DSCAML1: variants seen among roughly 807,000 people sequenced by gnomAD.
The protein encoded by DSCAML1 is DS cell adhesion molecule like 1.
In DSCAML1, 38 loss-of-function variants were observed where a neutral mutation model predicts 200.5. That is an observed-to-expected ratio of 0.19 (90% CI 0.15 to 0.25). DSCAML1 has a LOEUF of 0.25. DSCAML1 is among the 10% of genes least tolerant of loss of function. DSCAML1 has a pLI of 1.00. For synonymous variants in DSCAML1, 1,215 were observed against 1,165.0 expected, an observed-to-expected ratio of 1.04 and a Z score of -0.87; for missense variants, 2,223 against 2,858.8, an observed-to-expected ratio of 0.78 and a Z score of 5.07.
chr11:117,550,597 A>G (rs2050450643), intron 3 of DSCAML1, among the ~76,000 whole-genome samples: 1 of 152,198 alleles, frequency 6.6e-6, no homozygotes, highest in African/African-American at 2.4e-5. Context: ...GATTTCTGCT[A>G]TGCTTTTTGT....
rs564904477 is a variant in DSCAML1, at chr11:117,430,684, C to CG, written c.5686+37dup. The CG allele has an allele frequency of 2.4e-4, 340 of 1,431,686 alleles. 1 individual carries two copies. Among genetic ancestry groups the CG allele is most frequent in the African/African-American group, 1.7e-3 (113 of 68,162 alleles). 88.7% of individuals were successfully genotyped at this position (1,431,686 alleles called of 1,614,324 possible). A position where few individuals can be genotyped will look rare whatever the true frequency, so the allele number is the denominator to read the frequency against. On this transcript the variant is annotated intron_variant, in intron 32 of 32. Coordinates refer to ENST00000651296, the MANE Select transcript of DSCAML1 (RefSeq NM_020693.4). ...GGCTCATGGGGCTGGGGCCAGGGGG[C>CG]GGGGGGGCACTGCCTGGGAGGTGGT...
At chr11:117,722,681 G>A (rs943299425) in intron 3 of DSCAML1, among the ~76,000 whole-genome samples, 18 of 151,986 alleles carry the variant, frequency 1.2e-4, no homozygotes, top group African/African-American at 4.1e-4. Context: ...AAAGAAAAAC[G>A]AAACAATAAA....
chr11:117,627,179 T>C (rs1010332104), intron 3 of DSCAML1, among the ~76,000 whole-genome samples: 1 of 152,250 alleles, frequency 6.6e-6, no homozygotes, highest in African/African-American at 2.4e-5. Context: ...CTTGCGGATG[T>C]GACCGTGCTT....
intron 3 of DSCAML1, among the ~76,000 whole-genome samples, chr11:117,630,060 A>T (rs2052138038): frequency 6.6e-6 from 1 of 152,190 alleles, no homozygotes; most frequent in Non-Finnish European, 1.5e-5. Flanking sequence ...ACTGAGAGAC[A>T]GCACAGTGAG....
chr11:117,721,069 G>A (rs2054034103), intron 3 of DSCAML1, among the ~76,000 whole-genome samples: 1 of 152,212 alleles, frequency 6.6e-6, no homozygotes, highest in Non-Finnish European at 1.5e-5. Context: ...ATGCGGAGAG[G>A]TGAACTGACT....
intron 3 of DSCAML1, among the ~76,000 whole-genome samples, chr11:117,721,062 C>T (rs1047759451): frequency 6.6e-6 from 1 of 152,188 alleles, no homozygotes; most frequent in South Asian, 2.1e-4. Context: ...AACCAAGATG[C>T]GGAGAGGTGA....
At chr11:117,798,167 C>T (rs1484418013), upstream of DSCAML1, among the ~76,000 whole-genome samples, 1 of 152,254 alleles carries the variant, frequency 6.6e-6, no homozygotes, top group Non-Finnish European at 1.5e-5. Flanking sequence ...TGAGAATGGC[C>T]TATGAGCCAG....
chr11:117,442,627 G>C (rs1203194530), intron 21 of DSCAML1, among the ~76,000 whole-genome samples: 9 of 152,096 alleles, frequency 5.9e-5, no homozygotes, highest in Non-Finnish European at 1.2e-4. Flanking sequence ...AGCTCTCTAG[G>C]ACCGTGTTTA....
chr11:117,479,156 A>C (rs1259011298), intron 14 of DSCAML1, among the ~76,000 whole-genome samples: 2 of 152,212 alleles, frequency 1.3e-5, no homozygotes. Context: ...AGGGAACAGG[A>C]CTTGGCCAAT....
Position 117,547,574 on chromosome 11 carries a change from A to T in DSCAML1, c.512-15052T>A, listed in dbSNP as rs566851779. ...AGGAGGTGGTAGGAATAGCAGGGAT[A>T]TGCTTTCTGACCCCAGGGCCTGGCC... On this transcript the variant is annotated intron_variant, in intron 3 of 32. Transcript: ENST00000651296. Among the ~76,000 whole-genome samples, 7 of 152,224 alleles carry T rather than the reference A, an allele frequency of 4.6e-5. No individual in the cohort carries two copies. The East Asian group carries it at 1.4e-3, about 30-fold the overall frequency.
intron 3 of DSCAML1, among the ~76,000 whole-genome samples, chr11:117,737,274 C>T (rs138132963): frequency 1.3e-5 from 2 of 152,208 alleles, no homozygotes; most frequent in African/African-American, 4.8e-5. Flanking sequence ...AAAGGAAGAA[C>T]AGCTGTAAAA....
rs11216386 is a variant in DSCAML1 at position 117,439,273 on chromosome 11, C to T, written c.4137G>A (p.Leu1379=). ...TGCCTCACAGAGCCTCACCTTGCAC[C>T]AGAAGGTTGACGATGATGGTGTCAA... ...GGFDTIIVNL[L]VQVPPDQPRL... is the part of the protein sequence containing the mutation. Residue 1379 remains leucine (L), a synonymous_variant, in exon 23 of 33, where the codon CTG becomes CTA. Coordinates refer to ENST00000651296, the MANE Select transcript of DSCAML1 (RefSeq NM_020693.4). The T allele has an allele frequency of 0.12, 199,404 of 1,613,770 alleles. 18,479 individuals are homozygous for T. The highest frequency in any genetic ancestry group is 0.55 in the East Asian group (24,879 of 44,840).
intron 3 of DSCAML1, among the ~76,000 whole-genome samples, chr11:117,608,091 T>C (rs146474580): frequency 1.6e-3 from 241 of 152,328 alleles, no homozygotes; most frequent in African/African-American, 5.5e-3. Flanking sequence ...TTGAGACCCA[T>C]TGTGTAAGGA....
intron 3 of DSCAML1, among the ~76,000 whole-genome samples, chr11:117,756,143 G>T (rs776689597): frequency 6.6e-6 from 1 of 152,210 alleles, no homozygotes; most frequent in African/African-American, 2.4e-5. Context: ...AGTGGCTCAG[G>T]GCCCTTTTCT....
At chr11:117,724,074 A>G (rs1052924711) in intron 3 of DSCAML1, among the ~76,000 whole-genome samples, 4 of 152,208 alleles carry the variant, frequency 2.6e-5, no homozygotes, top group Non-Finnish European at 5.9e-5. Context: ...TTCTGGCTAC[A>G]AAAGCAACTT....
chr11:117,645,267 G>A (rs1014829725), intron 3 of DSCAML1, among the ~76,000 whole-genome samples: 2 of 152,176 alleles, frequency 1.3e-5, no homozygotes, highest in Non-Finnish European at 2.9e-5. Context: ...GAGAAAGGGG[G>A]TTTCTTGGGG....
At chr11:117,552,752 G>A (rs1008919097) in intron 3 of DSCAML1, among the ~76,000 whole-genome samples, 1 of 152,220 alleles carries the variant, frequency 6.6e-6, no homozygotes, top group African/African-American at 2.4e-5. Flanking sequence ...GAGGCAACAA[G>A]GCTGGAAGTG....
chr11:117,488,581 AAC>A (rs1284995258), intron 11 of DSCAML1, among the ~76,000 whole-genome samples: 2 of 152,036 alleles, frequency 1.3e-5, no homozygotes, highest in African/African-American at 2.4e-5. Context: ...CAGTGTCAGA[AAC>A]ACACCTCAAC....
intron 1 of DSCAML1, among the ~76,000 whole-genome samples, chr11:117,784,914 G>C (rs1004566530): frequency 3.3e-5 from 5 of 152,332 alleles, no homozygotes; most frequent in Middle Eastern, 3.4e-3. Flanking sequence ...CACTCTCCCT[G>C]AGGGGTCGAG....
Sources: allele counts gnomAD v4.1 joint callset (sites outside exome capture counted in the v4.1 genomes callset), GRCh38; gene constraint gnomAD v4.1.1; transcripts MANE v1.5; gene names NCBI Gene and HGNC (gene_info 2026-07-23, HGNC 2026-07-21).